Variants in CADM2 observed in about 807,000 individuals in gnomAD.
CADM2 encodes the protein cell adhesion molecule 2, also known as immunoglobulin superfamily member 4D.
Under a neutral mutation model 49.8 loss-of-function variants are expected in CADM2, and 12 were observed. The observed-to-expected ratio is 0.24, with a 90% CI of 0.15 to 0.39. The LOEUF is 0.39. Ranked by LOEUF, CADM2 falls within the 10% of genes least tolerant of loss-of-function variation. The pLI is 1.00. For missense variants in CADM2, 378 were observed against 492.3 expected (o/e 0.77, Z 2.20); for synonymous variants, 214 against 175.4 (o/e 1.22, Z -1.74).
At chr3:85,711,499 T>C (rs2067116941) in intron 1 of CADM2, among the ~76,000 whole-genome samples, 1 of 152,150 alleles carries the variant, frequency 6.6e-6, no homozygotes, top group Non-Finnish European at 1.5e-5. Context: ...CTAAAACATT[T>C]AGGGCAGAAC....
chr3:85,188,247 T>C (rs1004295143), intron 1 of CADM2, among the ~76,000 whole-genome samples: 2 of 152,130 alleles, frequency 1.3e-5, no homozygotes, highest in African/African-American at 4.8e-5. Context: ...TATGCATTCT[T>C]ATTTTTATTT....
At chr3:85,813,953 AG>A (rs1361124011) in intron 3 of CADM2, among the ~76,000 whole-genome samples, 1 of 152,136 alleles carries the variant, frequency 6.6e-6, no homozygotes, top group African/African-American at 2.4e-5. Flanking sequence ...CTTGTAATAT[AG>A]TTTGAAGTCA....
intron 3 of CADM2, among the ~76,000 whole-genome samples, chr3:85,820,615 C>A (rs1230849571): frequency 6.6e-6 from 1 of 152,054 alleles, no homozygotes; most frequent in Non-Finnish European, 1.5e-5. Flanking sequence ...GAGAAGCTTG[C>A]AGGAGGTGAA....
intron 1 of CADM2, among the ~76,000 whole-genome samples, chr3:85,714,904 G>C (rs2067237020): frequency 6.6e-6 from 1 of 151,986 alleles, no homozygotes; most frequent in Non-Finnish European, 1.5e-5. Context: ...GCTGTTAACA[G>C]TCAATAAATG....
chr3:85,990,521 CTA>C (rs1239161343), intron 8 of CADM2, among the ~76,000 whole-genome samples: 9 of 152,202 alleles, frequency 5.9e-5, no homozygotes, highest in African/African-American at 1.9e-4. Context: ...AAGACAGACT[CTA>C]GAGGATAGAG....
intron 8 of CADM2, among the ~76,000 whole-genome samples, chr3:86,032,948 T>C (rs1208892245): frequency 2.0e-5 from 3 of 151,938 alleles, no homozygotes; most frequent in African/African-American, 7.2e-5. Context: ...CTTCATTTCC[T>C]TTGTATTTTA....
intron 1 of CADM2, among the ~76,000 whole-genome samples, chr3:85,487,964 A>C (rs963588354): frequency 6.6e-6 from 1 of 152,180 alleles, no homozygotes; most frequent in South Asian, 2.1e-4. Flanking sequence ...TACAATAGAT[A>C]TAACATTTAA....
At chr3:85,948,127 G>A (rs1722963820) in intron 7 of CADM2, among the ~76,000 whole-genome samples, 2 of 151,202 alleles carry the variant, frequency 1.3e-5, no homozygotes, top group Admixed American at 1.3e-4. Flanking sequence ...TTACATTTAA[G>A]CATTTTACTC....
chr3:85,801,910 T>C (rs2108075882), intron 2 of CADM2, 137 bp from the exon 3 acceptor site: 2 of 628,474 alleles, frequency 3.2e-6, no homozygotes, highest in East Asian at 2.9e-5. Flanking sequence ...TTTCTGTCTT[T>C]TGTAATATAC....
At chr3:85,729,394 C>G (rs898432913) in intron 2 of CADM2, among the ~76,000 whole-genome samples, 1 of 152,022 alleles carries the variant, frequency 6.6e-6, no homozygotes, top group African/African-American at 2.4e-5. Context: ...CAATTGTGTA[C>G]CTGCAACCAA....
intron 3 of CADM2, among the ~76,000 whole-genome samples, chr3:85,857,740 A>G (rs2075370682): frequency 6.6e-6 from 1 of 152,198 alleles, no homozygotes; most frequent in African/African-American, 2.4e-5. Context: ...CTTAGCACTT[A>G]ACACTATTTT....
chr3:85,718,882 T>TTTATTATTA (rs71112111), intron 1 of CADM2, among the ~76,000 whole-genome samples: 1,923 of 141,316 alleles, frequency 0.014, 21 homozygotes, highest in African/African-American at 0.02. Flanking sequence ...TTAATGGTAT[T>TTTATTATTA]TTATTATTAT....
chr3:85,953,670 C>G (rs1723713023), intron 7 of CADM2, among the ~76,000 whole-genome samples: 1 of 150,906 alleles, frequency 6.6e-6, no homozygotes, highest in South Asian at 2.1e-4. Context: ...CTTATAGAAA[C>G]TACTTGAATA....
chr3:86,066,881 T>G lies in CADM2; in HGVS notation c.*98T>G. The stretch of plus-strand genomic sequence containing the variant: ...TCATTTCTACCATCGTCTGCTACCC[T>G]TATTAACTCCCATACTGTACTGCTA... On this transcript the variant is annotated 3_prime_UTR_variant, in exon 10 of 10. Transcript: ENST00000383699. 1.3e-6 allele frequency: 1 copy of G among 796,366 alleles called. No homozygotes were observed. Among genetic ancestry groups the G allele is most frequent in the Non-Finnish European group, 2.2e-6 (1 of 456,696 alleles). The allele number at this position is 796,366 out of a possible 1,614,324, so 49.3% of individuals were successfully genotyped here.
intron 1 of CADM2, among the ~76,000 whole-genome samples, chr3:85,059,622 T>C (rs189844257): frequency 5.1e-4 from 77 of 152,190 alleles, no homozygotes; most frequent in Middle Eastern, 6.8e-3. Context: ...GTGATTGAAC[T>C]ATGAGGGTGA....
intron 1 of CADM2, among the ~76,000 whole-genome samples, chr3:85,428,350 A>C (rs2036509442): frequency 6.8e-6 from 1 of 146,314 alleles, no homozygotes; most frequent in South Asian, 2.1e-4. Flanking sequence ...ATTTTCATAT[A>C]TTCATATATA....
chr3:85,824,074 T>C (rs2073764969), intron 3 of CADM2, among the ~76,000 whole-genome samples: 1 of 152,190 alleles, frequency 6.6e-6, no homozygotes, highest in Non-Finnish European at 1.5e-5. Context: ...AATTTTATTC[T>C]GGGACGTTTT....
chr3:85,312,991 C>T (rs2044383554), intron 1 of CADM2, among the ~76,000 whole-genome samples: 1 of 152,168 alleles, frequency 6.6e-6, no homozygotes, highest in South Asian at 2.1e-4. Flanking sequence ...ATCCCAGAGG[C>T]ACATTTTAAC....
At chr3:85,858,114 G>A (rs530639003) in intron 3 of CADM2, among the ~76,000 whole-genome samples, 2 of 152,270 alleles carry the variant, frequency 1.3e-5, no homozygotes, top group South Asian at 4.1e-4. Context: ...GTAGTATGAA[G>A]CCTCACACAA....
Sources: allele counts gnomAD v4.1 joint callset (sites outside exome capture counted in the v4.1 genomes callset), GRCh38; gene constraint gnomAD v4.1.1; transcripts MANE v1.5; gene names NCBI Gene and HGNC (gene_info 2026-07-23, HGNC 2026-07-21).